The following CPA6 variants were observed in gnomAD, a reference collection of about 807,000 sequenced individuals.
CPA6 encodes the protein carboxypeptidase B.
A neutral mutation model predicts 63.3 loss-of-function variants in CPA6; 58 were observed. That is an observed-to-expected ratio of 0.92 (90% CI 0.74 to 1.14). CPA6 has a LOEUF of 1.14. Among genes scored for constraint, CPA6 ranks in the 50% most tolerant of loss-of-function variants. CPA6 has a pLI of 0.00. For synonymous variants in CPA6, 185 were observed against 179.0 expected, an observed-to-expected ratio of 1.03 and a Z score of -0.27; for missense variants, 565 against 526.6, an observed-to-expected ratio of 1.07 and a Z score of -0.71.
chr8:67,487,116 A>T (rs1450612860), intron 6 of CPA6, among the ~76,000 whole-genome samples: 1 of 152,220 alleles, frequency 6.6e-6, no homozygotes, highest in African/African-American at 2.4e-5. Flanking sequence ...CAGGTTTGTT[A>T]CATAGGTATA....
chr8:67,456,495 C>T (rs1006826609), intron 8 of CPA6, among the ~76,000 whole-genome samples: 1 of 152,188 alleles, frequency 6.6e-6, no homozygotes, highest in African/African-American at 2.4e-5. Context: ...GTAGGGGTCC[C>T]GTGACCCCAG....
At chr8:67,513,438 C>A (rs963723176) in intron 3 of CPA6, among the ~76,000 whole-genome samples, 4 of 152,090 alleles carry the variant, frequency 2.6e-5, no homozygotes, top group African/African-American at 9.7e-5. Flanking sequence ...AGTTATATTA[C>A]CGTCACCAAA....
chr8:67,601,370 C>T (rs1348289742), intron 2 of CPA6, among the ~76,000 whole-genome samples: 1 of 152,164 alleles, frequency 6.6e-6, no homozygotes, highest in East Asian at 1.9e-4. Context: ...GACCAAATCT[C>T]AGTCTAAGAA....
intron 10 of CPA6, among the ~76,000 whole-genome samples, chr8:67,423,792 A>C (rs1809821833): frequency 6.6e-6 from 1 of 152,064 alleles, no homozygotes; most frequent in Non-Finnish European, 1.5e-5. Context: ...TTCATGTTAC[A>C]CTGTCCCCAC....
intron 1 of CPA6, among the ~76,000 whole-genome samples, chr8:67,668,091 C>G (rs545299654): frequency 5.3e-5 from 8 of 152,326 alleles, no homozygotes; most frequent in African/African-American, 1.9e-4. Context: ...GAACAGAAGA[C>G]TTTATGTGCA....
intron 2 of CPA6, among the ~76,000 whole-genome samples, chr8:67,585,718 A>C (rs1813913162): frequency 6.6e-6 from 1 of 152,172 alleles, no homozygotes; most frequent in Non-Finnish European, 1.5e-5. Context: ...TATGATACGT[A>C]AGTGTCCTTC....
At chr8:67,437,827 T>G (rs2128953094) in intron 8 of CPA6, among the ~76,000 whole-genome samples, 1 of 151,894 alleles carries the variant, frequency 6.6e-6, no homozygotes, top group South Asian at 2.1e-4. Context: ...TAAATATCAA[T>G]ATGTGATAAA....
At chr8:67,606,588 A>T (rs1192461223) in intron 2 of CPA6, among the ~76,000 whole-genome samples, 1 of 152,226 alleles carries the variant, frequency 6.6e-6, no homozygotes, top group East Asian at 1.9e-4. Flanking sequence ...CCACAATAAC[A>T]TCTCCCTTTT....
chr8:67,476,755 T>C lies in CPA6; in HGVS notation c.838+7013A>G, dbSNP rs561912011. Among the ~76,000 whole-genome samples the C allele has an allele frequency of 2.0e-5, 3 of 152,304 alleles. No homozygotes were observed. The East Asian group carries it at 5.8e-4, about 29-fold the overall frequency. On this transcript the variant is annotated intron_variant, in intron 8 of 10. Coordinates refer to ENST00000297770, the MANE Select transcript of CPA6 (RefSeq NM_020361.5). ...ACTGAAGTCAGTCAGATTTGACTTT[T>C]CATTTGAGCTCAATTCGTAATCTTG...
intron 1 of CPA6, among the ~76,000 whole-genome samples, chr8:67,660,383 A>G (rs1816082578): frequency 8.0e-6 from 1 of 125,172 alleles, no homozygotes; most frequent in African/African-American, 3.2e-5. Flanking sequence ...AAGCTGGAGC[A>G]GAGTGTCTCA....
intron 10 of CPA6, among the ~76,000 whole-genome samples, chr8:67,425,465 C>G (rs1344114040): frequency 2.6e-5 from 4 of 152,048 alleles, no homozygotes; most frequent in Non-Finnish European, 5.9e-5. Context: ...ACCTCTGTCC[C>G]CCTGGTTCAA....
intron 1 of CPA6, among the ~76,000 whole-genome samples, chr8:67,701,333 T>A (rs1817019982): frequency 6.6e-6 from 1 of 152,158 alleles, no homozygotes; most frequent in Non-Finnish European, 1.5e-5. Context: ...ATATCACTCA[T>A]CTCTCAGGGT....
chr8:67,622,910 A>G (rs1815113475), intron 2 of CPA6, among the ~76,000 whole-genome samples: 2 of 152,228 alleles, frequency 1.3e-5, no homozygotes, highest in African/African-American at 2.4e-5. Context: ...GTAGGCATGG[A>G]AAAGAACCAA....
At chr8:67,711,572 G>A (rs550522018) in intron 1 of CPA6, among the ~76,000 whole-genome samples, 41 of 152,222 alleles carry the variant, frequency 2.7e-4, no homozygotes, top group African/African-American at 8.9e-4. Context: ...GCTCTTGGTT[G>A]GGGTGGGATG....
intron 8 of CPA6, among the ~76,000 whole-genome samples, chr8:67,451,614 G>C (rs1020812593): frequency 4.6e-5 from 7 of 152,174 alleles, no homozygotes; most frequent in African/African-American, 1.4e-4. Context: ...CCAGTCTGTG[G>C]AAAAATTGTC....
chr8:67,721,697 A>G (rs1480638403), intron 1 of CPA6, among the ~76,000 whole-genome samples: 2 of 151,652 alleles, frequency 1.3e-5, no homozygotes, highest in African/African-American at 2.4e-5. Flanking sequence ...ATGGCTTCTC[A>G]AAAGTGGGAA....
intron 2 of CPA6, among the ~76,000 whole-genome samples, chr8:67,607,772 T>C (rs994030132): frequency 6.6e-6 from 1 of 152,216 alleles, no homozygotes; most frequent in African/African-American, 2.4e-5. Context: ...GTGATATCTA[T>C]GTTCCTTTGT....
At chr8:67,436,489 T>C (rs1810159499) in intron 8 of CPA6, among the ~76,000 whole-genome samples, 1 of 151,826 alleles carries the variant, frequency 6.6e-6, no homozygotes, top group Non-Finnish European at 1.5e-5. Context: ...TCTGATAAGA[T>C]ACAAATATTG....
At chr8:67,745,921 C>T in intron 1 of CPA6, 93 bp downstream of exon 1, 2 of 773,890 alleles carry the variant, frequency 2.6e-6, no homozygotes, top group Middle Eastern at 3.1e-4. Context: ...ACTCAGAGAC[C>T]CCCAAATCAG....
Sources: gnomAD v4.1 joint callset for allele counts (sites outside exome capture counted in the v4.1 genomes callset) on GRCh38, gnomAD v4.1.1 for gene constraint, MANE v1.5 for transcripts, NCBI Gene and HGNC (gene_info 2026-07-23, HGNC 2026-07-21) for gene names.